GCC2: variants seen among roughly 807,000 people sequenced by gnomAD.
GCC2 encodes the protein GRIP and coiled-coil domain-containing protein 2.
In GCC2, 120 loss-of-function variants were observed where a neutral mutation model predicts 210.6. The observed-to-expected ratio is 0.57, with a 90% confidence interval of 0.49 to 0.66. The LOEUF is 0.66. Ranked by LOEUF, GCC2 falls within the 30% of genes least tolerant of loss-of-function variation. GCC2 has a pLI of 0.00. For missense variants in GCC2, 1,868 were observed against 1,871.9 expected (o/e 1.00, Z 0.04); for synonymous variants, 703 against 652.7 (o/e 1.08, Z -1.17).
At position 108,489,886 on chromosome 2, in the gene GCC2, T is replaced by C. The variant is rs1455451585; in HGVS notation, c.4101T>C (p.Asp1367=). The C allele has an allele frequency of 1.9e-6, 3 of 1,608,614 alleles. No homozygotes were observed. Among genetic ancestry groups the C allele is most frequent in the South Asian group, 1.1e-5 (1 of 90,450 alleles). Residue 1367 remains aspartate (D), a synonymous_variant, in exon 18 of 23, where the codon GAT becomes GAC. Transcript: ENST00000309863. ...ACCAGCTAAAAATCAAATTACAAGA[T>C]AGCCAAAATAACTTACAGATTAATG... The part of the protein sequence containing the change: ...LIDQLKIKLQ[D]SQNNLQINVS...
intron 6 of GCC2, 87 bp from the exon 7 acceptor site, chr2:108,472,740 A>G: frequency 1.3e-6 from 1 of 772,112 alleles, no homozygotes; most frequent in South Asian, 1.6e-5. Flanking sequence ...TCTTATGCTT[A>G]ACATGATGGC....
chr2:108,469,561 CT>C (rs1341935370), intron 5 of GCC2, 89 bp from the exon 6 acceptor site: 76 of 833,848 alleles, frequency 9.1e-5, no homozygotes, highest in Middle Eastern at 2.5e-4. Flanking sequence ...ACTTTTCTCT[CT>C]ACTTAGCTTG....
At chr2:108,483,844 C>G (rs1405508757) in intron 12 of GCC2, among the ~76,000 whole-genome samples, 2 of 152,144 alleles carry the variant, frequency 1.3e-5, no homozygotes, top group Admixed American at 1.3e-4. Context: ...ATAAGAGCCA[C>G]TTGACATATT....
At chr2:108,450,597 T>G (rs1033848671) in intron 2 of GCC2, among the ~76,000 whole-genome samples, 7 of 152,212 alleles carry the variant, frequency 4.6e-5, no homozygotes, top group African/African-American at 1.7e-4. Flanking sequence ...TTTTAAAAAA[T>G]GTGGCCGGGC....
At position 108,497,734 on chromosome 2, in the gene GCC2, T is replaced by C. The variant is rs555792266; in HGVS notation, c.4782+625T>C. On this transcript the variant is annotated intron_variant, in intron 21 of 22. Transcript: ENST00000309863. ...GCAGAACAGTTGAGGATTACTCAAA[T>C]GAGGTATTTCCACCCTGGCTCACTG... is the stretch of plus-strand genomic sequence containing the variant. 3.3e-5 allele frequency among the ~76,000 whole-genome samples: 5 copies of C among 152,314 alleles called. 1 individual carries two copies. The East Asian group carries it at 9.6e-4, about 29-fold the overall frequency.
At chr2:108,458,783 T>G (rs533426035) in intron 4 of GCC2, among the ~76,000 whole-genome samples, 18 of 152,248 alleles carry the variant, frequency 1.2e-4, no homozygotes, top group African/African-American at 3.1e-4. Context: ...CTTTTTCATT[T>G]CTGATTTTAT....
At chr2:108,494,340 C>G (rs1167269108) in intron 19 of GCC2, 1 of 152,158 alleles carries the variant, frequency 6.6e-6, no homozygotes, top group Non-Finnish European at 1.5e-5. Context: ...TGCCACTACA[C>G]TCCAACCTGT....
chr2:108,450,965 C>CT, intron 2 of GCC2, 63 bp from the exon 3 acceptor site: 1 of 1,008,402 alleles, frequency 9.9e-7, no homozygotes, highest in Non-Finnish European at 1.5e-6. Flanking sequence ...GACATTGTTT[C>CT]TTTTTTGTGG....
At chr2:108,449,396 C>T (rs1254577569) in intron 1 of GCC2, 116 bp downstream of exon 1, 4 of 1,454,506 alleles carry the variant, frequency 2.8e-6, no homozygotes, top group African/African-American at 2.8e-5. Context: ...CCGAAGCCCG[C>T]GCTGCTGTCG....
intron 19 of GCC2, chr2:108,494,631 C>T (rs1167536235): frequency 1.3e-5 from 2 of 152,164 alleles, no homozygotes; most frequent in Non-Finnish European, 2.9e-5. Context: ...TTGCTAGAAT[C>T]TAGTCTTTTA....
In GCC2 at chr2:108,509,249, A is replaced by G. The variant is rs1180880221; in HGVS notation, c.*1619A>G. 1.3e-5 allele frequency: 2 copies of G among 152,662 alleles called. No individual in the cohort carries two copies. Among genetic ancestry groups the G allele is most frequent in the African/African-American group, 2.4e-5 (1 of 41,454 alleles). The allele number at this position is 152,662 out of a possible 1,614,324, so 9.5% of individuals were successfully genotyped here. On this transcript the variant is annotated 3_prime_UTR_variant, in exon 23 of 23. Coordinates refer to ENST00000309863, the MANE Select transcript of GCC2 (RefSeq NM_181453.4). Reference sequence around the variant, plus strand: ...AGTCTGTATAAACTTGTTTTGAAATATAGTCTCTGCTTACGAATGTCATAA... The same window carrying G: ...AGTCTGTATAAACTTGTTTTGAAATGTAGTCTCTGCTTACGAATGTCATAA...
chr2:108,485,525 A>C lies in GCC2; in HGVS notation c.3614-111A>C, dbSNP rs1682095876. On this transcript the variant is annotated intron_variant, in intron 13 of 22. Transcript: ENST00000309863. ...ATGTTTGAAGTATTCCATAATAAAA[A>C]GCTAAAACAGGCTTAAAGACAAGCC... The C allele has an allele frequency of 1.2e-5, 7 of 603,016 alleles. No homozygotes were observed. The East Asian group carries it at 1.9e-4, about 17-fold the overall frequency. 37.4% of individuals were successfully genotyped at this position (603,016 alleles called of 1,614,324 possible). A position where few individuals can be genotyped will look rare whatever the true frequency, so the allele number is the denominator to read the frequency against.
At chr2:108,500,377 G>C (rs1405984996) in intron 22 of GCC2, among the ~76,000 whole-genome samples, 15 of 152,116 alleles carry the variant, frequency 9.9e-5, no homozygotes, top group African/African-American at 3.6e-4. Flanking sequence ...GCTGGACGTG[G>C]TGGCATGCGC....
chr2:108,483,195 A>C, intron 12 of GCC2, 29 bp downstream of exon 12: 2 of 1,026,284 alleles, frequency 1.9e-6, no homozygotes, highest in Non-Finnish European at 3.1e-6. Context: ...ATCAAAATTG[A>C]TGTAATATTC....
chr2:108,483,844 C>T (rs1405508757), intron 12 of GCC2, among the ~76,000 whole-genome samples: 1 of 152,144 alleles, frequency 6.6e-6, no homozygotes, highest in Non-Finnish European at 1.5e-5. Flanking sequence ...ATAAGAGCCA[C>T]TTGACATATT....
In GCC2 at chr2:108,479,980, C is replaced by CAAAAAAAAAAA. The variant is rs200934785; in HGVS notation, c.3061-1698_3061-1688dup. Among the ~76,000 whole-genome samples, 94 of 114,512 alleles carry CAAAAAAAAAAA rather than the reference C, an allele frequency of 8.2e-4. 1 individual carries two copies. Among genetic ancestry groups the CAAAAAAAAAAA allele is most frequent in the African/African-American group, 3.4e-3 (92 of 27,252 alleles). The allele number at this position is 114,512 out of a possible 152,430, so 75.1% of individuals were successfully genotyped here. ...CTGGCGACAGAGCGAGACTCCATCT[C>CAAAAAAAAAAA]AAAAAAAAAAAAAAAAAAAAAAAAA... On this transcript the variant is annotated intron_variant, in intron 9 of 22. Transcript: ENST00000309863.
Position 108,470,812 on chromosome 2 carries a change from G to A in GCC2, c.1483G>A (p.Gly495Arg), listed in dbSNP as rs762248388. Residue 495 changes from glycine to arginine, a missense_variant, in exon 6 of 23, where the codon GGG (glycine) becomes AGG (arginine). Gly to Arg is a moderately radical substitution (Grantham distance 125). Transcript: ENST00000309863. ...TATGGAAATTTTACAAACAGAACTG[G>A]GGGAATCTGCTGGAAAAATAAGTCA... is the stretch of plus-strand genomic sequence containing the variant. The part of the protein sequence containing the change: ...EIMEILQTEL[G>R]ESAGKISQEF... The A allele has an allele frequency of 6.2e-7, 1 of 1,613,618 alleles. No individual in the cohort carries two copies. Among genetic ancestry groups the A allele is most frequent in the South Asian group, 1.1e-5 (1 of 91,050 alleles).
At chr2:108,504,509 G>C (rs1178867391) in intron 22 of GCC2, among the ~76,000 whole-genome samples, 1 of 152,144 alleles carries the variant, frequency 6.6e-6, no homozygotes, top group Non-Finnish European at 1.5e-5. Flanking sequence ...GAGTGTAACA[G>C]TAGTCCCCAA....
chr2:108,501,358 G>A (rs1339823444), intron 22 of GCC2, among the ~76,000 whole-genome samples: 1 of 152,018 alleles, frequency 6.6e-6, no homozygotes, highest in Non-Finnish European at 1.5e-5. Context: ...TGAAGAAAGT[G>A]GTCATTTATG....
Sources: gnomAD v4.1 joint callset for allele counts (sites outside exome capture counted in the v4.1 genomes callset) on GRCh38, gnomAD v4.1.1 for gene constraint, MANE v1.5 for transcripts, NCBI Gene and HGNC (gene_info 2026-07-23, HGNC 2026-07-21) for gene names.